The following CPSF3 variants were observed in gnomAD, a reference collection of about 807,000 sequenced individuals.
The protein encoded by CPSF3 is cleavage and polyadenylation specificity factor subunit 3.
In CPSF3, 57 loss-of-function variants were observed where a neutral mutation model predicts 84.1. That is an observed-to-expected ratio of 0.68 (90% confidence interval 0.55 to 0.85). The LOEUF (loss-of-function observed/expected upper bound fraction) is 0.85. CPSF3 is among the 40% of genes least tolerant of loss of function. CPSF3 has a pLI of 0.00. For missense variants in CPSF3, 522 were observed against 838.8 expected, an observed-to-expected ratio of 0.62 and a Z score of 4.66; for synonymous variants, 275 against 278.1, an observed-to-expected ratio of 0.99 and a Z score of 0.11.
intron 11 of CPSF3, 57 bp downstream of exon 11, chr2:9,448,407 TA>T: frequency 7.4e-7 from 1 of 1,359,040 alleles, no homozygotes; most frequent in Non-Finnish European, 1.0e-6. Flanking sequence ...GGAAAGACTG[TA>T]CTTCTTAAGA....
At chr2:9,429,895 T>C (rs1161222987) in intron 2 of CPSF3, 28 bp from the exon 3 acceptor site, 6 of 1,436,736 alleles carry the variant, frequency 4.2e-6, no homozygotes, top group Non-Finnish European at 5.8e-6. Flanking sequence ...GTGCAGGAGA[T>C]TGTGATCTCT....
intron 1 of CPSF3, among the ~76,000 whole-genome samples, chr2:9,427,348 A>G (rs1338524586): frequency 6.6e-6 from 1 of 152,138 alleles, no homozygotes; most frequent in Non-Finnish European, 1.5e-5. Context: ...TTACAAATGG[A>G]CTGTTTATTT....
chr2:9,425,526 A>G (rs1204038914), intron 1 of CPSF3, among the ~76,000 whole-genome samples: 1 of 152,120 alleles, frequency 6.6e-6, no homozygotes, highest in East Asian at 1.9e-4. Context: ...AGTGTGAGAG[A>G]GTATGCAAAT....
chr2:9,424,011 AGAGT>A (rs781451365), intron 1 of CPSF3, 188 bp downstream of exon 1: 105 of 1,347,044 alleles, frequency 7.8e-5, no homozygotes, highest in Non-Finnish European at 9.5e-5. Flanking sequence ...GGCCTGCTAT[AGAGT>A]GAACGGGATT....
intron 1 of CPSF3, among the ~76,000 whole-genome samples, chr2:9,427,730 G>T (rs1021414843): frequency 6.6e-6 from 1 of 152,116 alleles, no homozygotes; most frequent in Non-Finnish European, 1.5e-5. Context: ...TTAATCCAGT[G>T]CTTGGCAAAT....
intron 7 of CPSF3, among the ~76,000 whole-genome samples, chr2:9,439,748 G>A (rs1339722038): frequency 1.3e-5 from 2 of 152,058 alleles, no homozygotes; most frequent in Non-Finnish European, 2.9e-5. Context: ...CAGCACTTTG[G>A]GAAGCTGGGC....
chr2:9,449,558 G>A (rs1430895082), intron 11 of CPSF3, among the ~76,000 whole-genome samples: 10 of 152,234 alleles, frequency 6.6e-5, no homozygotes, highest in African/African-American at 1.4e-4. Context: ...GCTCGGCAAC[G>A]TGGTGAAACC....
intron 17 of CPSF3, among the ~76,000 whole-genome samples, chr2:9,471,962 C>T (rs1314789799): frequency 7.1e-6 from 1 of 141,588 alleles, no homozygotes; most frequent in Admixed American, 7.4e-5. Context: ...GCCAAGATCA[C>T]ATTACTGCAC....
In CPSF3 at chr2:9,439,716, T is replaced by G. The variant is rs1680906746; in HGVS notation, c.761-775T>G. 1.3e-5 allele frequency among the ~76,000 whole-genome samples: 2 copies of G among 152,130 alleles called. 1 individual carries two copies. The highest frequency in any genetic ancestry group is 4.1e-4 in the South Asian group (2 of 4,828). ...TTAAAAATACAAGCATGGCTGAGTG[T>G]GGTGACTCATGCCTGTAATCCCAGC... On this transcript the variant is annotated intron_variant, in intron 7 of 17. Coordinates refer to ENST00000238112, the MANE Select transcript of CPSF3 (RefSeq NM_016207.4).
Position 9,429,958 on chromosome 2 carries a change from G to A in CPSF3, c.150G>A (p.Met50Ile). ...GGATCCACCCTGGCCTAGAAGGAAT[G>A]GATGCTCTTCCTTATATTGATTTAA... ...DCGIHPGLEG[M>I]DALPYIDLID... The change falls in exon 3 of 18, where the codon ATG becomes ATA. Residue 50 changes from methionine to isoleucine, a missense_variant. By Grantham distance (10) the Met-to-Ile change is conservative. Around this residue, in one of 2 missense-constraint regions of CPSF3, gnomAD observed 329 missense variants for 607.2 expected, o/e 0.54. Transcript: ENST00000238112. 6.2e-7 allele frequency: 1 copy of A among 1,600,198 alleles called. No homozygotes were observed. Among genetic ancestry groups the A allele is most frequent in the Non-Finnish European group, 8.5e-7 (1 of 1,175,200 alleles).
At chr2:9,453,647 C>G (rs975417392) in intron 12 of CPSF3, among the ~76,000 whole-genome samples, 1 of 152,202 alleles carries the variant, frequency 6.6e-6, no homozygotes, top group Admixed American at 6.6e-5. Context: ...AATCCCAGCA[C>G]TTTGAGAAGC....
At chr2:9,467,471 G>C (rs1682015413) in intron 15 of CPSF3, among the ~76,000 whole-genome samples, 1 of 152,046 alleles carries the variant, frequency 6.6e-6, no homozygotes, top group South Asian at 2.1e-4. Flanking sequence ...TGGAGAAAGG[G>C]TGAAAAGATG....
intron 15 of CPSF3, among the ~76,000 whole-genome samples, chr2:9,466,219 C>CACACAAAG (rs1681912289): frequency 2.7e-5 from 4 of 148,986 alleles, no homozygotes; most frequent in Admixed American, 1.3e-4. Context: ...CGCACACACG[C>CACACAAAG]ACGCACACAC....
intron 14 of CPSF3, among the ~76,000 whole-genome samples, chr2:9,458,249 C>G (rs1047297712): frequency 2.0e-5 from 3 of 151,878 alleles, no homozygotes; most frequent in African/African-American, 7.2e-5. Flanking sequence ...ACTAAAAATA[C>G]AAAAATTAGC....
In CPSF3 at chr2:9,461,594, C is replaced by CG. The variant is rs564068520; in HGVS notation, c.1786+1982dup. 1.2e-3 allele frequency among the ~76,000 whole-genome samples: 185 copies of CG among 151,600 alleles called. 1 individual carries two copies. Among genetic ancestry groups the CG allele is most frequent in the Middle Eastern group, 3.4e-3 (1 of 292 alleles). Reference sequence around the variant, plus strand: ...CTGAGGGGCGAAAATTGCTTGAAACCGGGGGGCGGAGGTTGCAGTGAACAG... The same window carrying CG: ...CTGAGGGGCGAAAATTGCTTGAAACCGGGGGGGCGGAGGTTGCAGTGAACAG... On this transcript the variant is annotated intron_variant, in intron 15 of 17. Transcript: ENST00000238112.
intron 17 of CPSF3, among the ~76,000 whole-genome samples, 173 bp downstream of exon 17, chr2:9,471,612 G>A (rs1041212220): frequency 5.3e-5 from 8 of 151,920 alleles, no homozygotes; most frequent in Middle Eastern, 3.4e-3. Context: ...GAAGTTTTCC[G>A]TGTTTTTCCG....
intron 1 of CPSF3, among the ~76,000 whole-genome samples, chr2:9,426,366 A>G (rs1680392880): frequency 6.6e-6 from 1 of 152,246 alleles, no homozygotes; most frequent in Non-Finnish European, 1.5e-5. Context: ...ATATCTGAAG[A>G]CAAAGCATTT....
intron 15 of CPSF3, among the ~76,000 whole-genome samples, chr2:9,461,288 C>T (rs74618679): frequency 0.038 from 5,752 of 152,192 alleles, 364 homozygotes; most frequent in African/African-American, 0.13. Flanking sequence ...AGAAGAATGC[C>T]GCAAGATTCT....
chr2:9,445,234 A>T (rs1399783857), intron 10 of CPSF3, among the ~76,000 whole-genome samples: 1 of 152,156 alleles, frequency 6.6e-6, no homozygotes, highest in Admixed American at 6.5e-5. Flanking sequence ...TAGGTATTTC[A>T]TATAAGAGGA....
Sources: allele counts gnomAD v4.1 joint callset (sites outside exome capture counted in the v4.1 genomes callset), GRCh38; gene constraint gnomAD v4.1.1; regional missense constraint gnomAD v4.1.1; transcripts MANE v1.5; gene names NCBI Gene and HGNC (gene_info 2026-07-23, HGNC 2026-07-21).